Variants in SLC9A8 observed in about 807,000 individuals in gnomAD.
SLC9A8 encodes the protein sodium/hydrogen exchanger 8.
SLC9A8 carries 48 observed loss-of-function variants against 66.6 expected under a neutral mutation model. That is an observed-to-expected ratio of 0.72 (90% CI 0.57 to 0.92). The LOEUF (loss-of-function observed/expected upper bound fraction) is 0.92. Ranked by LOEUF, SLC9A8 falls within the 40% of genes least tolerant of loss-of-function variation. The probability of loss-of-function intolerance (pLI) is 0.00; values close to 1 mark genes in which losing one functional copy is unlikely to be tolerated. For missense variants in SLC9A8, 599 were observed against 747.3 expected (o/e 0.80, Z 2.31); for synonymous variants, 274 against 282.6 (o/e 0.97, Z 0.31).
At chr20:49,871,302 G>C (rs2089197615) in intron 10 of SLC9A8, among the ~76,000 whole-genome samples, 1 of 152,106 alleles carries the variant, frequency 6.6e-6, no homozygotes, top group African/African-American at 2.4e-5. Flanking sequence ...TTTTGGACTT[G>C]AATCCCATAC....
In SLC9A8 at chr20:49,886,510, T is replaced by C; in HGVS notation, c.1492-242T>C. The C allele has an allele frequency of 6.8e-6, 3 of 439,160 alleles. No individual in the cohort carries two copies. The highest frequency in any genetic ancestry group is 1.2e-5 in the Non-Finnish European group (3 of 248,174). The allele number at this position is 439,160 out of a possible 1,614,324, so 27.2% of individuals were successfully genotyped here. A position where few individuals can be genotyped will look rare whatever the true frequency, so the allele number is the denominator to read the frequency against. On this transcript the variant is annotated intron_variant, in intron 14 of 15. Coordinates refer to ENST00000361573, the MANE Select transcript of SLC9A8 (RefSeq NM_015266.3). The surrounding 1 kb of genome is among the most constrained non-coding windows in gnomAD (Gnocchi z 4.8). ...AAAGCTTAAAGACCAAGCCCCAGCC[T>C]GGCCCAGTCCTTCTGTTTTAGCTGT...
At chr20:49,827,129 AC>A (rs2086942126) in intron 3 of SLC9A8, among the ~76,000 whole-genome samples, 2 of 151,420 alleles carry the variant, frequency 1.3e-5, no homozygotes, top group Non-Finnish European at 2.9e-5. Flanking sequence ...TTTAGTGGAG[AC>A]AGGGTTTCAC....
intron 3 of SLC9A8, among the ~76,000 whole-genome samples, chr20:49,825,227 A>G (rs932252587): frequency 9.9e-5 from 15 of 152,232 alleles, no homozygotes; most frequent in African/African-American, 3.4e-4. Context: ...ATAAAGAAAA[A>G]AAACCAAAAC....
intron 6 of SLC9A8, 59 bp downstream of exon 6, chr20:49,849,739 G>A: frequency 7.2e-7 from 1 of 1,381,646 alleles, no homozygotes; most frequent in Non-Finnish European, 1.0e-6. Context: ...CTAGTGCAGG[G>A]AGGTGGGAAG....
intron 3 of SLC9A8, chr20:49,829,861 A>G (rs1273853443): frequency 1.8e-6 from 1 of 566,172 alleles, no homozygotes. Flanking sequence ...TGGGAGATGG[A>G]AAGAAGGGGG....
At chr20:49,882,320 AG>A (rs1305621230) in intron 13 of SLC9A8, among the ~76,000 whole-genome samples, 1 of 152,140 alleles carries the variant, frequency 6.6e-6, no homozygotes, top group African/African-American at 2.4e-5. Context: ...CCAGACCTGG[AG>A]GGGAGGCGTC....
intron 8 of SLC9A8, among the ~76,000 whole-genome samples, chr20:49,859,631 T>C (rs2088654512): frequency 6.6e-6 from 1 of 152,176 alleles, no homozygotes; most frequent in Admixed American, 6.5e-5. Flanking sequence ...TCTTTGCAAC[T>C]GAATATGTAA....
intron 1 of SLC9A8, 26 bp from the exon 2 acceptor site, chr20:49,814,982 C>T: frequency 1.3e-6 from 2 of 1,482,888 alleles, no homozygotes; most frequent in African/African-American, 2.9e-5. Context: ...TTTCCATTAT[C>T]TAATTATGCT....
chr20:49,826,397 T>C (rs933299231), intron 3 of SLC9A8, among the ~76,000 whole-genome samples: 2 of 152,164 alleles, frequency 1.3e-5, no homozygotes, highest in African/African-American at 4.8e-5. Flanking sequence ...CCAGAGAAAG[T>C]ATGGTTTTCG....
intron 3 of SLC9A8, among the ~76,000 whole-genome samples, chr20:49,837,789 G>A (rs767488919): frequency 2.0e-5 from 3 of 151,976 alleles, no homozygotes; most frequent in African/African-American, 4.8e-5. Context: ...GGCTGGTCTC[G>A]AACTCCTGAC....
At chr20:49,829,693 A>G (rs1363229933) in intron 3 of SLC9A8, 1 of 480,516 alleles carries the variant, frequency 2.1e-6, no homozygotes, top group Non-Finnish European at 4.1e-6. Context: ...GATGCCGCCA[A>G]AGAGTTTCTC....
intron 10 of SLC9A8, among the ~76,000 whole-genome samples, chr20:49,867,968 T>G (rs2089042371): frequency 6.6e-6 from 1 of 152,230 alleles, no homozygotes; most frequent in Non-Finnish European, 1.5e-5. Flanking sequence ...TTTCAGGGTT[T>G]TGTTTTTCAT....
intron 14 of SLC9A8, among the ~76,000 whole-genome samples, chr20:49,885,761 C>T (rs1403224467): frequency 6.6e-6 from 1 of 152,198 alleles, no homozygotes; most frequent in Non-Finnish European, 1.5e-5. Flanking sequence ...TTTCATTATA[C>T]CCACTTTGCA....
chr20:49,824,718 C>T (rs6067242), intron 3 of SLC9A8, among the ~76,000 whole-genome samples: 1,703 of 152,258 alleles, frequency 0.011, 22 homozygotes, highest in Middle Eastern at 0.027. Context: ...GTCATTTCCC[C>T]CTTCTTCCTT....
At chr20:49,823,739 A>G (rs1305694733) in intron 3 of SLC9A8, among the ~76,000 whole-genome samples, 1 of 152,214 alleles carries the variant, frequency 6.6e-6, no homozygotes, top group Non-Finnish European at 1.5e-5. Flanking sequence ...TAGTGAAGGA[A>G]GAAGTGGGGA....
intron 4 of SLC9A8, among the ~76,000 whole-genome samples, chr20:49,843,199 G>A (rs576749515): frequency 2.6e-5 from 4 of 152,058 alleles, no homozygotes; most frequent in African/African-American, 7.2e-5. Flanking sequence ...CCTGGGGTGG[G>A]GGGGGCTAGT....
rs2089978806 is a variant in SLC9A8 at position 49,888,817 on chromosome 20, T to G, written c.*881T>G. On this transcript the variant is annotated 3_prime_UTR_variant, in exon 16 of 16. Coordinates refer to ENST00000361573, the MANE Select transcript of SLC9A8 (RefSeq NM_015266.3). ...CCACCATTCCCGTACTCAGTTGTTC[T>G]TTTGTCTAATCGGAGGCCACTGTGC... 1 of 152,374 alleles carries G rather than the reference T, an allele frequency of 6.6e-6. No individual in the cohort carries two copies. Among genetic ancestry groups the G allele is most frequent in the South Asian group, 2.1e-4 (1 of 4,842 alleles). The allele number at this position is 152,374 out of a possible 1,614,324, so 9.4% of individuals were successfully genotyped here.
intron 3 of SLC9A8, among the ~76,000 whole-genome samples, chr20:49,835,610 A>G (rs769790845): frequency 6.6e-6 from 1 of 151,488 alleles, no homozygotes; most frequent in Non-Finnish European, 1.5e-5. Flanking sequence ...AAATAGAATC[A>G]TACAATCGGT....
chr20:49,834,181 CTCTCTA>C (rs1169109607), intron 3 of SLC9A8, among the ~76,000 whole-genome samples: 140 of 46,128 alleles, frequency 3.0e-3, no homozygotes, highest in East Asian at 7.3e-3. Context: ...CTCTCTCTCT[CTCTCTA>C]TATATATATA....
Sources: gnomAD v4.1 joint callset for allele counts (sites outside exome capture counted in the v4.1 genomes callset) on GRCh38, gnomAD v4.1.1 for gene constraint, Gnocchi (gnomAD v3.1) non-coding constraint, MANE v1.5 for transcripts, NCBI Gene and HGNC (gene_info 2026-07-23, HGNC 2026-07-21) for gene names.